Variants in PNPLA4 observed in about 807,000 individuals in gnomAD.
The protein encoded by PNPLA4 is patatin-like phospholipase domain-containing protein 4.
A neutral mutation model predicts 18.3 loss-of-function variants in PNPLA4; 15 were observed. The observed-to-expected ratio is 0.82, with a 90% CI of 0.55 to 1.26. The LOEUF (loss-of-function observed/expected upper bound fraction) is 1.26. Ranked by LOEUF, PNPLA4 falls within the 50% of genes most tolerant of loss-of-function variation. PNPLA4 has a pLI of 0.00. For missense variants in PNPLA4, 229 were observed against 196.8 expected, an observed-to-expected ratio of 1.16 and a Z score of -0.98; for synonymous variants, 88 against 85.6, an observed-to-expected ratio of 1.03 and a Z score of -0.16.
At chrX:7,916,396 T>C (rs1924046812) in intron 4 of PNPLA4, among the ~76,000 whole-genome samples, 1 of 111,258 alleles carries the variant, frequency 9.0e-6, no homozygotes, top group Admixed American at 9.5e-5. Context: ...CGGGGGATAC[T>C]GTGTAGAGCG....
intron 4 of PNPLA4, among the ~76,000 whole-genome samples, chrX:7,915,307 T>TGG (rs58569682): frequency 5.9e-4 from 25 of 42,646 alleles, no homozygotes; most frequent in Non-Finnish European, 7.3e-4. Flanking sequence ...GGGTGGAGGG[T>TGG]GGGGGGGGGG....
At chrX:7,926,718 A>G (rs1456497850) in intron 1 of PNPLA4, among the ~76,000 whole-genome samples, 1 of 112,450 alleles carries the variant, frequency 8.9e-6, no homozygotes, top group Non-Finnish European at 1.9e-5. Context: ...TTTGCCAAGT[A>G]TCTCAACACA....
At chrX:7,914,005 T>A (rs139828412) in intron 4 of PNPLA4, among the ~76,000 whole-genome samples, 3,090 of 112,433 alleles carry the variant, frequency 0.027, 92 homozygotes, top group Admixed American at 0.1. Flanking sequence ...TGCACATCTA[T>A]CTCAATCGCT....
intron 2 of PNPLA4, among the ~76,000 whole-genome samples, 200 bp downstream of exon 2, chrX:7,925,740 C>A (rs1924372664): frequency 8.9e-6 from 1 of 112,383 alleles, no homozygotes; most frequent in Admixed American, 9.4e-5. Context: ...CCTTATTTCA[C>A]TATCACCCAA....
At chrX:7,909,857 A>C (rs756534904) in intron 5 of PNPLA4, among the ~76,000 whole-genome samples, 2 of 111,597 alleles carry the variant, frequency 1.8e-5, no homozygotes, top group African/African-American at 6.5e-5. Context: ...GCCACACCTA[A>C]CTGCAAGGGA....
chrX:7,921,975 T>A lies in PNPLA4; in HGVS notation c.275+29A>T, dbSNP rs766751817. On this transcript the variant is annotated intron_variant, in intron 3 of 6. Coordinates refer to ENST00000381042, the MANE Select transcript of PNPLA4 (RefSeq NM_004650.3). ...GAGTCGTCAACATTCTGTCTTCATGTACTTTTGGGCAAAATGTACTCTGTA... is the reference window on the plus strand; with the variant it reads ...GAGTCGTCAACATTCTGTCTTCATGAACTTTTGGGCAAAATGTACTCTGTA... 6.0e-6 allele frequency: 7 copies of A among 1,157,526 alleles called. No individual in the cohort carries two copies. The Admixed American group carries it at 1.5e-4, about 25-fold the overall frequency.
intron 6 of PNPLA4, among the ~76,000 whole-genome samples, chrX:7,901,697 T>A (rs191960217): frequency 9.0e-6 from 1 of 111,610 alleles, no homozygotes; most frequent in East Asian, 2.8e-4. Context: ...GCGTGGTGCA[T>A]GTCTGTAATC....
intron 4 of PNPLA4, among the ~76,000 whole-genome samples, chrX:7,914,873 C>T (rs1923990252): frequency 8.9e-6 from 1 of 111,935 alleles, no homozygotes; most frequent in Non-Finnish European, 1.9e-5. Flanking sequence ...AAGAATCCTC[C>T]TAAATGATAT....
upstream of PNPLA4, chrX:7,927,542 C>T (rs1412794572): frequency 5.3e-5 from 6 of 113,619 alleles, no homozygotes; most frequent in African/African-American, 1.9e-4. Context: ...ACCGGAGCGT[C>T]CTCCAGCGCA....
At chrX:7,907,231 C>A (rs994033982) in intron 5 of PNPLA4, among the ~76,000 whole-genome samples, 1 of 111,376 alleles carries the variant, frequency 9.0e-6, no homozygotes, top group African/African-American at 3.3e-5. Context: ...GTTAGCCAGG[C>A]TGGTCTCGAA....
chrX:7,907,511 G>C (rs1923743658), intron 5 of PNPLA4, among the ~76,000 whole-genome samples: 1 of 111,893 alleles, frequency 8.9e-6, no homozygotes, highest in Admixed American at 9.5e-5. Context: ...GAACATTCCT[G>C]TGGATTTATT....
At chrX:7,925,192 T>G in intron 2 of PNPLA4, among the ~76,000 whole-genome samples, 1 of 112,420 alleles carries the variant, frequency 8.9e-6, no homozygotes. Context: ...TGTTTAACAT[T>G]GCATAGTTTT....
chrX:7,901,217 C>T (rs757976948), intron 6 of PNPLA4, among the ~76,000 whole-genome samples: 3 of 111,788 alleles, frequency 2.7e-5, no homozygotes, highest in Non-Finnish European at 5.6e-5. Flanking sequence ...ATTTGGGTCC[C>T]TAAGTTTTTC....
At chrX:7,917,061 C>T (rs965070658) in intron 4 of PNPLA4, among the ~76,000 whole-genome samples, 1 of 112,317 alleles carries the variant, frequency 8.9e-6, no homozygotes. Context: ...GTAGAAAAGA[C>T]TGAGTTAAAT....
rs898298683 is a variant in PNPLA4 at position 7,898,279 on chromosome X, A to T, written c.*2407T>A. 2 of 111,834 alleles carry T rather than the reference A, an allele frequency of 1.8e-5. No individual in the cohort carries two copies. Among genetic ancestry groups the T allele is most frequent in the African/African-American group, 6.5e-5 (2 of 30,787 alleles). 9.2% of individuals were successfully genotyped at this position (111,834 alleles called of 1,213,427 possible). A position where few individuals can be genotyped will look rare whatever the true frequency, so the allele number is the denominator to read the frequency against. ...AATGACATTTTTAATGACAGATTCA[A>T]ATATATAAGGAAATTGCCCCCACAG... On this transcript the variant is annotated 3_prime_UTR_variant, in exon 7 of 7. Transcript: ENST00000381042.
At position 7,925,945 on chromosome X, in the gene PNPLA4, T is replaced by C; in HGVS notation, c.175A>G (p.Ile59Val). The change falls in exon 2 of 7, where the codon ATA becomes GTA. Residue 59 changes from isoleucine to valine, a missense_variant. Ile to Val is a conservative substitution (Grantham distance 29, BLOSUM62 3). Coordinates refer to ENST00000381042, the MANE Select transcript of PNPLA4 (RefSeq NM_004650.3). The stretch of plus-strand genomic sequence containing the variant: ...CTAAGTTACTACTTAATTACCTCTA[T>C]TTTTTCTGGTGCTGTTAGCAGAACA... ...ASVLLTAPEKIEECNQFTYKF... is the reference protein window; with the variant it reads ...ASVLLTAPEKVEECNQFTYKF... The C allele has an allele frequency of 2.5e-6, 3 of 1,207,266 alleles. No homozygotes were observed. The highest frequency in any genetic ancestry group is 5.9e-5 in the East Asian group (2 of 33,749).
rs1216218942 is a variant in PNPLA4 at position 7,898,259 on chromosome X, C to T, written c.*2427G>A. 2.7e-5 allele frequency: 3 copies of T among 111,891 alleles called. No homozygotes were observed. Among genetic ancestry groups the T allele is most frequent in the Non-Finnish European group, 3.8e-5 (2 of 53,193 alleles). 9.2% of individuals were successfully genotyped at this position (111,891 alleles called of 1,213,427 possible). On this transcript the variant is annotated 3_prime_UTR_variant, in exon 7 of 7. Coordinates refer to ENST00000381042, the MANE Select transcript of PNPLA4 (RefSeq NM_004650.3). Reference sequence around the variant, plus strand: ...AAAAGAAGAAAAGGAAGACTAATGACATTTTTAATGACAGATTCAAATATA... The same window carrying T: ...AAAAGAAGAAAAGGAAGACTAATGATATTTTTAATGACAGATTCAAATATA...
chrX:7,899,094 G>T lies in PNPLA4; in HGVS notation c.*1592C>A, dbSNP rs1333578379. ...CACATTAAGATTAAACTACATGTTTGCTAGAGTAGGAGAAAGTATATACCA... is the reference window on the plus strand; with the variant it reads ...CACATTAAGATTAAACTACATGTTTTCTAGAGTAGGAGAAAGTATATACCA... On this transcript the variant is annotated 3_prime_UTR_variant, in exon 7 of 7. Coordinates refer to ENST00000381042, the MANE Select transcript of PNPLA4 (RefSeq NM_004650.3). The T allele has an allele frequency of 1.8e-5, 2 of 109,093 alleles. No individual in the cohort carries two copies. Among genetic ancestry groups the T allele is most frequent in the African/African-American group, 7.1e-5 (2 of 28,286 alleles). The allele number at this position is 109,093 out of a possible 1,213,427, so 9.0% of individuals were successfully genotyped here.
intron 4 of PNPLA4, among the ~76,000 whole-genome samples, chrX:7,916,315 A>T (rs943545104): frequency 9.0e-6 from 1 of 111,549 alleles, no homozygotes; most frequent in South Asian, 3.8e-4. Flanking sequence ...CTTCTAAAGA[A>T]AAAGAGCCCA....
Sources: gnomAD v4.1 joint callset for allele counts (sites outside exome capture counted in the v4.1 genomes callset) on GRCh38, gnomAD v4.1.1 for gene constraint, MANE v1.5 for transcripts, NCBI Gene and HGNC (gene_info 2026-07-23, HGNC 2026-07-21) for gene names.